ERC1: variants seen among roughly 807,000 people sequenced by gnomAD.
ERC1 encodes ELKS/RAB6-interacting/CAST family member 1.
A neutral mutation model predicts 132.0 loss-of-function variants in ERC1; 56 were observed. The ratio of observed to expected loss-of-function variants is 0.42; its 90% confidence interval spans 0.34 to 0.53. The LOEUF is 0.53. Among genes scored for constraint, ERC1 ranks in the 20% least tolerant of loss-of-function variants. The probability of loss-of-function intolerance (pLI) is 0.03; values close to 1 mark genes in which losing one functional copy is unlikely to be tolerated. For missense variants in ERC1, 1,202 were observed against 1,349.9 expected (o/e 0.89, Z 1.72); for synonymous variants, 478 against 476.1 (o/e 1.00, Z -0.05).
intron 15 of ERC1, among the ~76,000 whole-genome samples, chr12:1,371,114 G>C (rs1418723028): frequency 6.6e-6 from 1 of 152,188 alleles, no homozygotes; most frequent in Non-Finnish European, 1.5e-5. Context: ...ATTGTAGAGA[G>C]AATGTCATAC....
chr12:1,165,619 C>G (rs1413802188), intron 8 of ERC1, among the ~76,000 whole-genome samples: 1 of 152,122 alleles, frequency 6.6e-6, no homozygotes, highest in Non-Finnish European at 1.5e-5. Flanking sequence ...AGGTATGAGC[C>G]ACCGCGCCTG....
At chr12:1,008,121 G>A (rs867267159) in intron 1 of ERC1, among the ~76,000 whole-genome samples, 1 of 152,162 alleles carries the variant, frequency 6.6e-6, no homozygotes. Context: ...GCTAGATACC[G>A]TTCACTACTG....
intron 15 of ERC1, among the ~76,000 whole-genome samples, chr12:1,329,981 A>G (rs868246928): frequency 6.6e-6 from 1 of 152,228 alleles, no homozygotes; most frequent in Non-Finnish European, 1.5e-5. Flanking sequence ...AAATTATAAA[A>G]GCTGAGATGG....
At chr12:1,167,386 T>C (rs763290848) in intron 8 of ERC1, among the ~76,000 whole-genome samples, 1 of 152,260 alleles carries the variant, frequency 6.6e-6, no homozygotes, top group Non-Finnish European at 1.5e-5. Context: ...TTTGGTTAGA[T>C]GCCCAGGTAT....
intron 18 of ERC1, among the ~76,000 whole-genome samples, chr12:1,462,298 T>C (rs1485521098): frequency 2.6e-5 from 4 of 152,182 alleles, no homozygotes; most frequent in African/African-American, 9.7e-5. Flanking sequence ...CTTATAGATG[T>C]ACATCTATCC....
At chr12:1,477,547 C>T (rs2093999249) in intron 18 of ERC1, among the ~76,000 whole-genome samples, 1 of 152,156 alleles carries the variant, frequency 6.6e-6, no homozygotes, top group Non-Finnish European at 1.5e-5. Context: ...CTAGGGCAGA[C>T]AGCCTAGCAG....
At chr12:1,067,557 A>C (rs779888792) in intron 2 of ERC1, among the ~76,000 whole-genome samples, 26 of 152,168 alleles carry the variant, frequency 1.7e-4, no homozygotes, top group Non-Finnish European at 2.1e-4. Context: ...GAGCGCAGGA[A>C]AAAGTGCAGC....
intron 15 of ERC1, among the ~76,000 whole-genome samples, chr12:1,359,736 G>C (rs914745520): frequency 1.3e-5 from 2 of 152,130 alleles, no homozygotes; most frequent in African/African-American, 2.4e-5. Flanking sequence ...TCAAACCTTG[G>C]CCCACTCACT....
chr12:1,004,910 CT>C (rs1963279613), intron 1 of ERC1, among the ~76,000 whole-genome samples: 1 of 150,088 alleles, frequency 6.7e-6, no homozygotes, highest in African/African-American at 2.5e-5. Flanking sequence ...GGTTGCTGAA[CT>C]TTTCAAGGAA....
At chr12:1,314,364 A>G (rs777457192) in intron 15 of ERC1, among the ~76,000 whole-genome samples, 7 of 152,246 alleles carry the variant, frequency 4.6e-5, no homozygotes, top group Non-Finnish European at 7.3e-5. Context: ...TTAAATTTAA[A>G]TAAAAAGTTC....
At chr12:1,447,547 A>C (rs11061765) in intron 18 of ERC1, among the ~76,000 whole-genome samples, 30,124 of 140,160 alleles carry the variant, frequency 0.21, 3,799 homozygotes, top group African/African-American at 0.43. Flanking sequence ...ACAACAACAA[A>C]AAAAAAAAAA....
intron 16 of ERC1, among the ~76,000 whole-genome samples, chr12:1,390,255 C>G (rs982040927): frequency 6.6e-6 from 1 of 152,066 alleles, no homozygotes; most frequent in Non-Finnish European, 1.5e-5. Flanking sequence ...TAGCGATAAA[C>G]CTGTCTCTTG....
chr12:1,049,043 T>C (rs1392161390), intron 2 of ERC1, among the ~76,000 whole-genome samples: 1 of 152,252 alleles, frequency 6.6e-6, no homozygotes, highest in Non-Finnish European at 1.5e-5. Context: ...CTGAGACAGC[T>C]TAATTTCATA....
At chr12:1,473,541 G>C (rs2093908791) in intron 18 of ERC1, among the ~76,000 whole-genome samples, 1 of 148,622 alleles carries the variant, frequency 6.7e-6, no homozygotes. Context: ...AAGGCAGGAA[G>C]ATCACTTGAG....
At chr12:1,452,312 GT>G (rs1434501790) in intron 18 of ERC1, among the ~76,000 whole-genome samples, 2 of 152,102 alleles carry the variant, frequency 1.3e-5, no homozygotes, top group East Asian at 3.9e-4. Context: ...GAGTGGGTTG[GT>G]TGGTTGGTTG....
intron 12 of ERC1, 196 bp downstream of exon 12, chr12:1,190,248 G>C (rs753533976): frequency 1.4e-6 from 1 of 721,528 alleles, no homozygotes; most frequent in Non-Finnish European, 2.6e-6. Flanking sequence ...CATAGAATGG[G>C]AATAAATTGG....
chr12:1,486,891 G>A (rs946751444), intron 18 of ERC1, among the ~76,000 whole-genome samples: 2 of 152,214 alleles, frequency 1.3e-5, no homozygotes, highest in Admixed American at 6.5e-5. Flanking sequence ...TAAGTGACTT[G>A]TAGAGACTGA....
intron 1 of ERC1, among the ~76,000 whole-genome samples, chr12:1,018,715 G>A (rs527405995): frequency 5.9e-5 from 9 of 152,344 alleles, no homozygotes; most frequent in Non-Finnish European, 7.3e-5. Context: ...TAATTGTGGC[G>A]TTGGCAAACA....
At chr12:1,417,429 C>T (rs1591904091) in intron 17 of ERC1, among the ~76,000 whole-genome samples, 2 of 151,310 alleles carry the variant, frequency 1.3e-5, no homozygotes, top group East Asian at 3.9e-4. Context: ...TTTGCTACTG[C>T]TGCTGCTTTT....
Sources: allele counts gnomAD v4.1 joint callset (sites outside exome capture counted in the v4.1 genomes callset), GRCh38; gene constraint gnomAD v4.1.1; transcripts MANE v1.5; gene names NCBI Gene and HGNC (gene_info 2026-07-23, HGNC 2026-07-21).